RAB30: variants seen among roughly 807,000 people sequenced by gnomAD.
RAB30 encodes RAB30, member RAS oncogene family.
In RAB30, 9 loss-of-function variants were observed where a neutral mutation model predicts 25.1. The observed-to-expected ratio is 0.36, with a 90% CI of 0.22 to 0.63. The LOEUF is 0.63. RAB30 is among the 20% of genes least tolerant of loss of function. The pLI, the probability that RAB30 is intolerant of heterozygous loss-of-function variation, is 0.69. For synonymous variants in RAB30, 77 were observed against 86.4 expected (o/e 0.89, Z 0.60); for missense variants, 140 against 243.5 (o/e 0.58, Z 2.83).
At chr11:83,066,758 G>A (rs1379113488) in intron 1 of RAB30, among the ~76,000 whole-genome samples, 1 of 152,130 alleles carries the variant, frequency 6.6e-6, no homozygotes, top group Non-Finnish European at 1.5e-5. Flanking sequence ...CACCATGTTG[G>A]CCACGCTGGC....
In RAB30 at chr11:82,980,776, C is replaced by A. The variant is rs1367551435; in HGVS notation, c.*1389G>T. 1.4e-5 allele frequency: 2 copies of A among 147,904 alleles called. No homozygotes were observed. Among genetic ancestry groups the A allele is most frequent in the African/African-American group, 2.5e-5 (1 of 40,506 alleles). The allele number at this position is 147,904 out of a possible 1,614,324, so 9.2% of individuals were successfully genotyped here. The stretch of plus-strand genomic sequence containing the variant: ...TAAATTGGCTAAGTAAAGGCATATA[C>A]ACCTCCATTTGAATTGGAGATTTGC... On this transcript the variant is annotated 3_prime_UTR_variant, in exon 5 of 5. Transcript: ENST00000527633.
chr11:83,005,873 A>G (rs1857173254), intron 1 of RAB30, among the ~76,000 whole-genome samples: 1 of 152,086 alleles, frequency 6.6e-6, no homozygotes, highest in Non-Finnish European at 1.5e-5. Flanking sequence ...GAAAAATTCA[A>G]TAACCGACTA....
chr11:83,065,881 C>T (rs905694840), intron 1 of RAB30, among the ~76,000 whole-genome samples: 6 of 152,092 alleles, frequency 3.9e-5, no homozygotes, highest in Non-Finnish European at 5.9e-5. Context: ...AGGACACACG[C>T]GTATGATACA....
At position 83,059,382 on chromosome 11, in the gene RAB30, C is replaced by A. The variant is rs185176874; in HGVS notation, c.-9+12309G>T. On this transcript the variant is annotated intron_variant, in intron 1 of 4. Coordinates refer to ENST00000527633, the MANE Select transcript of RAB30 (RefSeq NM_001286060.2). ...TTCCATATCTGTACTTAGAGAACAC[C>A]CTAATTCTTGTTTGCAGTTTCATAG... Among the ~76,000 whole-genome samples the A allele has an allele frequency of 4.0e-3, 609 of 152,168 alleles. 6 individuals carry two copies. Among genetic ancestry groups the A allele is most frequent in the African/African-American group, 0.014 (574 of 41,512 alleles).
intron 4 of RAB30, 171 bp downstream of exon 4, chr11:82,987,416 G>A: frequency 5.7e-6 from 3 of 525,214 alleles, no homozygotes; most frequent in Admixed American, 8.2e-5. Flanking sequence ...CTGTCACCAT[G>A]GGATAGGACC....
intron 1 of RAB30, among the ~76,000 whole-genome samples, chr11:83,046,817 T>G (rs1183450959): frequency 4.6e-5 from 7 of 152,172 alleles, no homozygotes; most frequent in Admixed American, 2.0e-4. Context: ...TTTTAATGAT[T>G]GCAAAAACAA....
chr11:83,015,400 A>T (rs1159935672), intron 1 of RAB30, among the ~76,000 whole-genome samples: 1 of 151,808 alleles, frequency 6.6e-6, no homozygotes, highest in Non-Finnish European at 1.5e-5. Context: ...AATGAAAAGT[A>T]ATACCTAGAT....
intron 1 of RAB30, among the ~76,000 whole-genome samples, chr11:83,057,831 A>G (rs548585406): frequency 6.6e-6 from 1 of 152,350 alleles, no homozygotes; most frequent in South Asian, 2.1e-4. Context: ...ATGAATTCCA[A>G]TTGTGGATTC....
chr11:83,055,491 C>A (rs867599051), intron 1 of RAB30, among the ~76,000 whole-genome samples: 2 of 151,864 alleles, frequency 1.3e-5, no homozygotes, highest in Non-Finnish European at 2.9e-5. Context: ...CAAATTTTAT[C>A]CATCTTCTGC....
chr11:83,066,067 AG>A (rs1407411253), intron 1 of RAB30, among the ~76,000 whole-genome samples: 2 of 152,098 alleles, frequency 1.3e-5, no homozygotes, highest in Non-Finnish European at 2.9e-5. Context: ...GCTTCCTATA[AG>A]GAAAAAACTA....
intron 1 of RAB30, among the ~76,000 whole-genome samples, chr11:83,054,672 G>C (rs1305389060): frequency 1.3e-5 from 2 of 151,806 alleles, no homozygotes; most frequent in African/African-American, 2.4e-5. Context: ...ACCAGCCTGG[G>C]CAATAGAATG....
intron 1 of RAB30, among the ~76,000 whole-genome samples, chr11:83,064,068 A>G (rs537199995): frequency 1.3e-5 from 2 of 152,302 alleles, no homozygotes; most frequent in Non-Finnish European, 2.9e-5. Context: ...GACTTTCCCT[A>G]TACAGTCCAT....
At chr11:83,029,789 C>T (rs1857810407) in intron 1 of RAB30, among the ~76,000 whole-genome samples, 1 of 152,074 alleles carries the variant, frequency 6.6e-6, no homozygotes, top group African/African-American at 2.4e-5. Context: ...TGGAACCGAC[C>T]TAAGTGCCCA....
Position 82,994,092 on chromosome 11 carries a change from T to A in RAB30, c.124A>T (p.Ile42Phe). The A allele has an allele frequency of 1.9e-6, 3 of 1,611,570 alleles. No individual in the cohort carries two copies. Among genetic ancestry groups the A allele is most frequent in the Non-Finnish European group, 2.5e-6 (3 of 1,177,732 alleles). Residue 42 changes from isoleucine to phenylalanine, a missense_variant, in exon 3 of 5, where the codon ATT (isoleucine) becomes TTT (phenylalanine). Ile to Phe is a conservative substitution (Grantham distance 21, BLOSUM62 0). Coordinates refer to ENST00000527633, the MANE Select transcript of RAB30 (RefSeq NM_001286060.2). ...GTCTTAATCATAAAATCAACTCCAA[T>A]TGTGGCTCCTTGACCTGGGGGGAAA... ...GLFPPGQGATIGVDFMIKTVE... is the reference protein window; with the variant it reads ...GLFPPGQGATFGVDFMIKTVE...
intron 1 of RAB30, among the ~76,000 whole-genome samples, chr11:83,017,208 G>T (rs113147124): frequency 1.3e-5 from 2 of 151,976 alleles, no homozygotes; most frequent in Non-Finnish European, 2.9e-5. Context: ...GCATGTTGGC[G>T]TGCTCCTGTA....
chr11:83,063,261 C>A (rs1858623362), intron 1 of RAB30, among the ~76,000 whole-genome samples: 1 of 152,276 alleles, frequency 6.6e-6, no homozygotes, highest in South Asian at 2.1e-4. Context: ...AACACTCGGG[C>A]CTTTTAACCA....
At chr11:82,993,807 A>T (rs954725896) in intron 3 of RAB30, among the ~76,000 whole-genome samples, 1 of 152,204 alleles carries the variant, frequency 6.6e-6, no homozygotes, top group African/African-American at 2.4e-5. Context: ...AGGAGACAGG[A>T]CAAACTTGCC....
Position 82,976,462 on chromosome 11 carries a change from T to A in RAB30, c.*5703A>T, listed in dbSNP as rs551705268. 1 of 152,232 alleles carries A rather than the reference T, an allele frequency of 6.6e-6. No homozygotes were observed. Among genetic ancestry groups the A allele is most frequent in the South Asian group, 2.1e-4 (1 of 4,820 alleles). The allele number at this position is 152,232 out of a possible 1,614,324, so 9.4% of individuals were successfully genotyped here. A position where few individuals can be genotyped will look rare whatever the true frequency, so the allele number is the denominator to read the frequency against. On this transcript the variant is annotated 3_prime_UTR_variant, in exon 5 of 5. Transcript: ENST00000527633. ...TCACACCTAAACTAGTGTTTCCCCTTCTATATAACTCCCCACATCACTCTC... is the reference window on the plus strand; with the variant it reads ...TCACACCTAAACTAGTGTTTCCCCTACTATATAACTCCCCACATCACTCTC...
intron 4 of RAB30, 121 bp from the exon 5 acceptor site, chr11:82,982,536 A>C: frequency 9.7e-7 from 1 of 1,034,180 alleles, no homozygotes. Context: ...AAACAAAACA[A>C]ATGTGACTGT....
Sources: gnomAD v4.1 joint callset for allele counts (sites outside exome capture counted in the v4.1 genomes callset) on GRCh38, gnomAD v4.1.1 for gene constraint, MANE v1.5 for transcripts, NCBI Gene and HGNC (gene_info 2026-07-23, HGNC 2026-07-21) for gene names.